PTH2R: variants seen among roughly 807,000 people sequenced by gnomAD.
The protein encoded by PTH2R is PTH2 receptor.
PTH2R carries 59 observed loss-of-function variants against 60.3 expected under a neutral mutation model. The observed-to-expected ratio is 0.98, with a 90% confidence interval of 0.79 to 1.22. The LOEUF (loss-of-function observed/expected upper bound fraction) is 1.22. Among genes scored for constraint, PTH2R ranks in the 50% most tolerant of loss-of-function variants. PTH2R has a pLI of 0.00. For missense variants in PTH2R, 749 were observed against 682.6 expected, an observed-to-expected ratio of 1.10 and a Z score of -1.08; for synonymous variants, 256 against 243.8, an observed-to-expected ratio of 1.05 and a Z score of -0.47.
chr2:208,372,004 C>T (rs1478731231), intron 1 of PTH2R, among the ~76,000 whole-genome samples: 1 of 152,050 alleles, frequency 6.6e-6, no homozygotes, highest in East Asian at 1.9e-4. Context: ...TCACTGCAAC[C>T]TCCACCTCCC....
intron 2 of PTH2R, among the ~76,000 whole-genome samples, chr2:208,434,370 A>G (rs1257826765): frequency 4.6e-5 from 7 of 152,078 alleles, no homozygotes; most frequent in Admixed American, 6.5e-5. Context: ...TTTTGTGAAC[A>G]TTTACTATTC....
chr2:208,415,158 A>G (rs1053139430), intron 1 of PTH2R, among the ~76,000 whole-genome samples: 2 of 152,190 alleles, frequency 1.3e-5, no homozygotes, highest in African/African-American at 4.8e-5. Flanking sequence ...TAATTATGAC[A>G]AATATACCTA....
chr2:208,403,309 A>C (rs1180086832), upstream of PTH2R, among the ~76,000 whole-genome samples: 1 of 152,202 alleles, frequency 6.6e-6, no homozygotes, highest in Non-Finnish European at 1.5e-5. Context: ...TATTGGGAAG[A>C]AGTTAAATGA....
chr2:208,482,549 C>T lies in PTH2R; in HGVS notation c.1076+1385C>T, dbSNP rs188849570. Among the ~76,000 whole-genome samples the T allele has an allele frequency of 7.2e-5, 11 of 152,242 alleles. No individual in the cohort carries two copies. In the East Asian group the frequency reaches 2.1e-3, roughly 29 times the overall value. ...ATAAGAATTTACAATATAGTGTGTG[C>T]ATTAGTAATTTCTAACAGAGCCTTA... On this transcript the variant is annotated intron_variant, in intron 10 of 12. Coordinates refer to ENST00000272847, the MANE Select transcript of PTH2R (RefSeq NM_005048.4).
intron 8 of PTH2R, among the ~76,000 whole-genome samples, chr2:208,454,140 C>T (rs1449159319): frequency 6.6e-6 from 1 of 151,632 alleles, no homozygotes; most frequent in Non-Finnish European, 1.5e-5. Flanking sequence ...TGAGGGGCTA[C>T]ATGATGAATG....
intron 10 of PTH2R, among the ~76,000 whole-genome samples, chr2:208,482,522 A>G (rs1182569921): frequency 1.3e-5 from 2 of 152,340 alleles, no homozygotes; most frequent in South Asian, 2.1e-4. Flanking sequence ...CAGTATACAG[A>G]GATAAGAATT....
intron 10 of PTH2R, among the ~76,000 whole-genome samples, chr2:208,488,091 C>T (rs1296325927): frequency 6.6e-6 from 1 of 152,074 alleles, no homozygotes; most frequent in African/African-American, 2.4e-5. Flanking sequence ...TATTGGAAAG[C>T]CTGGAATTCT....
At chr2:208,468,037 G>A (rs1049902345) in intron 9 of PTH2R, among the ~76,000 whole-genome samples, 1 of 152,154 alleles carries the variant, frequency 6.6e-6, no homozygotes, top group Non-Finnish European at 1.5e-5. Context: ...AGGCTAATCT[G>A]ATAATGAAAT....
intron 1 of PTH2R, among the ~76,000 whole-genome samples, chr2:208,410,481 G>T (rs1384048678): frequency 1.3e-5 from 2 of 152,108 alleles, no homozygotes; most frequent in African/African-American, 2.4e-5. Context: ...TCCGCCCCGA[G>T]TCTCTATCCC....
intron 1 of PTH2R, among the ~76,000 whole-genome samples, chr2:208,371,219 ATTACT>A (rs1700695289): frequency 6.6e-6 from 1 of 152,106 alleles, no homozygotes; most frequent in South Asian, 2.1e-4. Context: ...AGGCATAAAG[ATTACT>A]TTAAACTGAA....
chr2:208,390,462 T>C (rs1199530263), intron 1 of PTH2R, among the ~76,000 whole-genome samples: 1 of 152,214 alleles, frequency 6.6e-6, no homozygotes, highest in East Asian at 1.9e-4. Flanking sequence ...TGTCGTTGAA[T>C]TGAGTGAACT....
At chr2:208,363,487 G>A (rs549747599) in intron 1 of PTH2R, among the ~76,000 whole-genome samples, 1 of 152,324 alleles carries the variant, frequency 6.6e-6, no homozygotes, top group Non-Finnish European at 1.5e-5. Flanking sequence ...ATGTGTGCAT[G>A]TGTCTTTGTG....
intron 9 of PTH2R, among the ~76,000 whole-genome samples, chr2:208,473,932 C>CT (rs1256596227): frequency 1.3e-5 from 2 of 152,022 alleles, no homozygotes; most frequent in East Asian, 1.9e-4. Flanking sequence ...GGTTTTGGAG[C>CT]TGGGGGTATC....
chr2:208,423,995 G>T (rs545723787), intron 1 of PTH2R, among the ~76,000 whole-genome samples: 1 of 152,154 alleles, frequency 6.6e-6, no homozygotes, highest in African/African-American at 2.4e-5. Context: ...GGGCTGCTCC[G>T]TGGTCCTGAT....
intron 1 of PTH2R, among the ~76,000 whole-genome samples, chr2:208,367,867 C>T (rs1377976846): frequency 6.6e-6 from 1 of 152,192 alleles, no homozygotes; most frequent in Non-Finnish European, 1.5e-5. Context: ...CTCCCTTACT[C>T]ACCTTAAGGC....
At chr2:208,365,952 ATATATATATTTTTTTTTTTTTTT>A (rs1318291408) in intron 1 of PTH2R, among the ~76,000 whole-genome samples, 4 of 19,432 alleles carry the variant, frequency 2.1e-4, no homozygotes, top group African/African-American at 4.1e-4. Context: ...ATATATATAT[ATATATATATTTTTTTTTTTTTTT>A]TTTTTTTTTT....
intron 9 of PTH2R, among the ~76,000 whole-genome samples, chr2:208,464,226 T>C (rs1395894320): frequency 6.6e-6 from 1 of 152,210 alleles, no homozygotes; most frequent in Non-Finnish European, 1.5e-5. Context: ...AAACACGAGG[T>C]GAGAAAAGTA....
chr2:208,432,502 A>C (rs1370499706), intron 2 of PTH2R, among the ~76,000 whole-genome samples: 2 of 152,252 alleles, frequency 1.3e-5, no homozygotes, highest in African/African-American at 4.8e-5. Context: ...AGACTGTATT[A>C]GTCAAAGTTC....
At chr2:208,410,624 CA>C (rs1701520766) in intron 1 of PTH2R, among the ~76,000 whole-genome samples, 1 of 152,102 alleles carries the variant, frequency 6.6e-6, no homozygotes, top group Non-Finnish European at 1.5e-5. Context: ...GTGCACAAAT[CA>C]GCATGGACAA....
Sources: allele counts gnomAD v4.1 joint callset (sites outside exome capture counted in the v4.1 genomes callset), GRCh38; gene constraint gnomAD v4.1.1; transcripts MANE v1.5; gene names NCBI Gene and HGNC (gene_info 2026-07-23, HGNC 2026-07-21).